CLEC16A: variants seen among roughly 807,000 people sequenced by gnomAD.
CLEC16A encodes the protein C-type lectin domain containing 16A.
In CLEC16A, 51 loss-of-function variants were observed where a neutral mutation model predicts 109.5. That is an observed-to-expected ratio of 0.47 (90% CI 0.37 to 0.59). The LOEUF (loss-of-function observed/expected upper bound fraction) is 0.59. Among genes scored for constraint, CLEC16A ranks in the 20% least tolerant of loss-of-function variants. The probability of loss-of-function intolerance (pLI) is 0.00; values close to 1 mark genes in which losing one functional copy is unlikely to be tolerated. For synonymous variants in CLEC16A, 673 were observed against 564.2 expected (o/e 1.19, Z -2.73); for missense variants, 1,339 against 1,394.0 (o/e 0.96, Z 0.63).
At chr16:11,014,846 T>C (rs1316197550) in intron 11 of CLEC16A, among the ~76,000 whole-genome samples, 1 of 152,070 alleles carries the variant, frequency 6.6e-6, no homozygotes, top group Non-Finnish European at 1.5e-5. Flanking sequence ...GGGCCCGGAG[T>C]GGCACAGAAC....
chr16:11,069,197 G>A (rs2048926223), intron 19 of CLEC16A, among the ~76,000 whole-genome samples: 1 of 151,904 alleles, frequency 6.6e-6, no homozygotes, highest in African/African-American at 2.4e-5. Context: ...GTATAATCAC[G>A]GCTCAGTGCA....
At chr16:11,038,608 C>T (rs1347523584) in intron 13 of CLEC16A, among the ~76,000 whole-genome samples, 1 of 152,138 alleles carries the variant, frequency 6.6e-6, no homozygotes, top group Non-Finnish European at 1.5e-5. Flanking sequence ...TCCTTTCCCA[C>T]TTACCTTCCC....
intron 15 of CLEC16A, 43 bp downstream of exon 15, chr16:11,042,406 G>C: frequency 6.9e-7 from 1 of 1,451,992 alleles, no homozygotes; most frequent in Non-Finnish European, 9.4e-7. Flanking sequence ...CCAAGGGAGA[G>C]GGACAGGAGG....
At chr16:10,949,447 G>A (rs2041609898) in intron 1 of CLEC16A, among the ~76,000 whole-genome samples, 1 of 152,080 alleles carries the variant, frequency 6.6e-6, no homozygotes, top group Admixed American at 6.5e-5. Flanking sequence ...GGGGTGTCAG[G>A]TGGAAGGAAG....
At chr16:11,098,696 G>A (rs1327486607) in intron 19 of CLEC16A, among the ~76,000 whole-genome samples, 1 of 152,228 alleles carries the variant, frequency 6.6e-6, no homozygotes, top group Non-Finnish European at 1.5e-5. Context: ...TCCCTTCGAG[G>A]AACCCTGGAT....
At chr16:11,041,399 A>T (rs1010320029) in intron 14 of CLEC16A, 1 of 152,262 alleles carries the variant, frequency 6.6e-6, no homozygotes, top group African/African-American at 2.4e-5. Context: ...GTGTTAGCTT[A>T]TAAAGACTGC....
At chr16:11,104,846 C>G (rs532081641) in intron 19 of CLEC16A, among the ~76,000 whole-genome samples, 7 of 152,304 alleles carry the variant, frequency 4.6e-5, no homozygotes, top group African/African-American at 1.7e-4. Flanking sequence ...GCCCTAGGCA[C>G]AAATGGGGTA....
At chr16:11,032,582 A>G (rs2046805922) in intron 13 of CLEC16A, among the ~76,000 whole-genome samples, 1 of 152,188 alleles carries the variant, frequency 6.6e-6, no homozygotes, top group Admixed American at 6.5e-5. Context: ...AAGGAAATGA[A>G]CAGGGTGGAG....
intron 19 of CLEC16A, among the ~76,000 whole-genome samples, chr16:11,115,146 G>A (rs1034372530): frequency 2.0e-5 from 3 of 152,186 alleles, no homozygotes; most frequent in Non-Finnish European, 4.4e-5. Context: ...TGACACTGAC[G>A]TGTATGACTG....
intron 19 of CLEC16A, among the ~76,000 whole-genome samples, chr16:11,119,566 A>G (rs2052249585): frequency 6.6e-6 from 1 of 151,706 alleles, no homozygotes; most frequent in Non-Finnish European, 1.5e-5. Context: ...AATTTTTTGC[A>G]TTTTTTGTAG....
intron 13 of CLEC16A, chr16:11,027,367 T>A: frequency 1.4e-6 from 2 of 1,398,918 alleles, no homozygotes; most frequent in Non-Finnish European, 2.0e-6. Context: ...CTAAAGAAAA[T>A]TTTTAGTGGT....
intron 11 of CLEC16A, among the ~76,000 whole-genome samples, chr16:11,003,934 G>A (rs1433383057): frequency 2.3e-5 from 3 of 128,996 alleles, no homozygotes; most frequent in Admixed American, 9.1e-5. Context: ...AGGAGCTTGA[G>A]ACCAGCCTCA....
intron 22 of CLEC16A, among the ~76,000 whole-genome samples, chr16:11,139,183 G>A (rs1038534610): frequency 6.6e-6 from 1 of 152,224 alleles, no homozygotes; most frequent in East Asian, 1.9e-4. Context: ...TGACTAGAAG[G>A]GTCCCCAGGA....
At position 11,039,787 on chromosome 16, in the gene CLEC16A, T is replaced by A. The variant is rs2047219631; in HGVS notation, c.1571T>A (p.Leu524His). Residue 524 changes from leucine to histidine, a missense_variant, in exon 14 of 24, where the codon CTC (leucine) becomes CAC (histidine). Leu to His is a moderately conservative substitution (Grantham distance 99). This residue lies in a region of CLEC16A where 1,061 missense variants were observed against 1,006.8 expected (regional missense o/e 1.05). Transcript: ENST00000409790. ...CCTGAAAAATTAGAGCGAATCCAGC[T>A]CCCCGTGCCAAATGCGGCCGAGAAG... ...MDPEKLERIQLPVPNAAEKTT... is the reference protein window; with the variant it reads ...MDPEKLERIQHPVPNAAEKTT... 6.2e-7 allele frequency: 1 copy of A among 1,606,916 alleles called. No individual in the cohort carries two copies. The highest frequency in any genetic ancestry group is 1.3e-5 in the African/African-American group (1 of 74,642).
intron 2 of CLEC16A, among the ~76,000 whole-genome samples, chr16:10,960,561 G>T (rs2042204769): frequency 6.6e-6 from 1 of 152,158 alleles, no homozygotes; most frequent in Non-Finnish European, 1.5e-5. Flanking sequence ...CTGTCTGCCA[G>T]GTTTCTCTAC....
Position 11,178,838 on chromosome 16 carries a change from G to A in CLEC16A, c.*148G>A. On this transcript the variant is annotated 3_prime_UTR_variant, in exon 24 of 24. Transcript: ENST00000409790. The surrounding 1 kb of genome is among the most constrained non-coding windows in gnomAD (Gnocchi z 6.5). ...ACCTATCCCTGCGCTCCCTTGAATG[G>A]GAAGAAGCCCCACGTTGTCCTTGAA... The A allele has an allele frequency of 1.7e-6, 1 of 592,870 alleles. No individual in the cohort carries two copies. The highest frequency in any genetic ancestry group is 2.9e-6 in the Non-Finnish European group (1 of 347,528). The allele number at this position is 592,870 out of a possible 1,614,324, so 36.7% of individuals were successfully genotyped here. A position where few individuals can be genotyped will look rare whatever the true frequency, so the allele number is the denominator to read the frequency against.
intron 6 of CLEC16A, 134 bp downstream of exon 6, chr16:10,972,693 T>G (rs1269001314): frequency 2.3e-6 from 2 of 885,388 alleles, no homozygotes; most frequent in Non-Finnish European, 3.6e-6. Flanking sequence ...CATGCACCAT[T>G]AATGTTTAGC....
In CLEC16A at chr16:11,157,187, C is replaced by T. The variant is rs1371255537; in HGVS notation, c.2642-9201C>T. ...ATTTTTGTATGTTGGACATGTTATC[C>T]GTTGAAAAGCAATCAGAAATAAAAA... On this transcript the variant is annotated intron_variant, in intron 22 of 23. Coordinates refer to ENST00000409790, the MANE Select transcript of CLEC16A (RefSeq NM_015226.3). 18 of 1,254,568 alleles carry T rather than the reference C, an allele frequency of 1.4e-5. No individual in the cohort carries two copies. The East Asian group carries it at 3.5e-4, about 24-fold the overall frequency. The allele number at this position is 1,254,568 out of a possible 1,614,324, so 77.7% of individuals were successfully genotyped here.
intron 1 of CLEC16A, 119 bp downstream of exon 1, chr16:10,944,916 G>C (rs996019634): frequency 1.0e-6 from 1 of 982,442 alleles, no homozygotes; most frequent in Non-Finnish European, 1.5e-6. Context: ...GGGGAAGCCC[G>C]TGTGGTGGTT....
Sources: gnomAD v4.1 joint callset for allele counts (sites outside exome capture counted in the v4.1 genomes callset) on GRCh38, gnomAD v4.1.1 for gene constraint, gnomAD v4.1.1 regional missense constraint, Gnocchi (gnomAD v3.1) non-coding constraint, MANE v1.5 for transcripts, NCBI Gene and HGNC (gene_info 2026-07-23, HGNC 2026-07-21) for gene names.